The following ARIH1 variants were observed in gnomAD, a reference collection of about 807,000 sequenced individuals.
ARIH1 encodes the protein E3 ubiquitin-protein ligase ARIH1.
In ARIH1, 8 loss-of-function variants were observed where a neutral mutation model predicts 85.0. That is an observed-to-expected ratio of 0.09 (90% confidence interval 0.06 to 0.17). The LOEUF is 0.17. Ranked by LOEUF, ARIH1 falls within the 10% of genes least tolerant of loss-of-function variation. The pLI is 1.00. For synonymous variants in ARIH1, 238 were observed against 253.6 expected, an observed-to-expected ratio of 0.94 and a Z score of 0.59; for missense variants, 311 against 718.1, an observed-to-expected ratio of 0.43 and a Z score of 6.48.
intron 2 of ARIH1, among the ~76,000 whole-genome samples, chr15:72,518,372 T>G (rs200963680): frequency 3.9e-5 from 6 of 152,086 alleles, no homozygotes; most frequent in Non-Finnish European, 7.4e-5. Flanking sequence ...TGTTTGGGGG[T>G]GTGCTTCAGT....
chr15:72,475,609 C>T (rs924233824), intron 1 of ARIH1, among the ~76,000 whole-genome samples: 1 of 152,172 alleles, frequency 6.6e-6, no homozygotes, highest in African/African-American at 2.4e-5. Flanking sequence ...GGTGAGGCTT[C>T]TGCTTACATC....
intron 1 of ARIH1, among the ~76,000 whole-genome samples, chr15:72,506,944 T>C (rs997686452): frequency 1.7e-4 from 26 of 152,102 alleles, no homozygotes; most frequent in Admixed American, 7.2e-4. Context: ...CTGCTAAATA[T>C]AGGAATGTCA....
intron 1 of ARIH1, among the ~76,000 whole-genome samples, chr15:72,479,497 C>G (rs1299835483): frequency 6.6e-6 from 1 of 151,754 alleles, no homozygotes; most frequent in Middle Eastern, 3.2e-3. Context: ...CAACCTCTGC[C>G]TCCTGGGTTC....
At chr15:72,501,590 C>T (rs561503546) in intron 1 of ARIH1, among the ~76,000 whole-genome samples, 2 of 152,224 alleles carry the variant, frequency 1.3e-5, no homozygotes, top group South Asian at 2.1e-4. Context: ...ATTGAAGTCA[C>T]GCGAATGTTT....
In ARIH1 at chr15:72,474,912, G is replaced by A; in HGVS notation, c.273G>A (p.Pro91=). The change falls in exon 1 of 14, where the codon CCG becomes CCA. Residue 91 remains proline, a synonymous_variant. Coordinates refer to ENST00000379887, the MANE Select transcript of ARIH1 (RefSeq NM_005744.5). ...GGGGGGGGGG[P]GHEQEEDYRY... ...GCGGCGGCGGTGGTGGTGGCGGGCCGGGGCATGAGCAGGAGGAGGATTACC... is the reference window on the plus strand; with the variant it reads ...GCGGCGGCGGTGGTGGTGGCGGGCCAGGGCATGAGCAGGAGGAGGATTACC... 1 of 1,459,590 alleles carries A rather than the reference G, an allele frequency of 6.9e-7. No homozygotes were observed. The highest frequency in any genetic ancestry group is 9.1e-7 in the Non-Finnish European group (1 of 1,100,950). The allele number at this position is 1,459,590 out of a possible 1,614,324, so 90.4% of individuals were successfully genotyped here.
chr15:72,536,707 C>T (rs910493348), intron 2 of ARIH1, among the ~76,000 whole-genome samples: 11 of 152,088 alleles, frequency 7.2e-5, no homozygotes, highest in Non-Finnish European at 1.3e-4. Flanking sequence ...GTGGTTAGTT[C>T]CTTAATCCAC....
chr15:72,489,149 A>G (rs1170253966), intron 1 of ARIH1, among the ~76,000 whole-genome samples: 2 of 149,862 alleles, frequency 1.3e-5, no homozygotes, highest in Non-Finnish European at 3.0e-5. Context: ...CTGAAGTGGG[A>G]GAAGAGGATT....
At chr15:72,533,061 T>C (rs1372829774) in intron 2 of ARIH1, among the ~76,000 whole-genome samples, 1 of 152,226 alleles carries the variant, frequency 6.6e-6, no homozygotes, top group African/African-American at 2.4e-5. Context: ...CTAGAAATGA[T>C]TCTAGCCAGT....
chr15:72,474,887 G>T lies in ARIH1; in HGVS notation c.248G>T (p.Gly83Val). The T allele has an allele frequency of 7.0e-7, 1 of 1,430,724 alleles. No individual in the cohort carries two copies. Among genetic ancestry groups the T allele is most frequent in the Non-Finnish European group, 9.2e-7 (1 of 1,086,588 alleles). The allele number at this position is 1,430,724 out of a possible 1,614,324, so 88.6% of individuals were successfully genotyped here. ...GGGCCCGGCGGTGGCGGCGGCGGCG[G>T]CGGCGGCGGTGGTGGTGGCGGGCCG... is the stretch of plus-strand genomic sequence containing the variant. ...ALGPGGGGGGGGGGGGGGPGH... is the reference protein window; with the variant it reads ...ALGPGGGGGGVGGGGGGGPGH... The change falls in exon 1 of 14, where the codon GGC (glycine) becomes GTC (valine). Residue 83 changes from glycine to valine, a missense_variant. By Grantham distance (109) the Gly-to-Val change is moderately radical. Transcript: ENST00000379887.
intron 1 of ARIH1, among the ~76,000 whole-genome samples, chr15:72,477,508 C>G (rs1003946482): frequency 1.3e-5 from 2 of 152,062 alleles, no homozygotes; most frequent in African/African-American, 2.4e-5. Flanking sequence ...AAAAAGATAA[C>G]CAAATTAATT....
chr15:72,528,529 T>TGATAA (rs2064040240), intron 2 of ARIH1, among the ~76,000 whole-genome samples: 1 of 152,218 alleles, frequency 6.6e-6, no homozygotes, highest in African/African-American at 2.4e-5. Context: ...CATTTATCAC[T>TGATAA]ATTCTACAAT....
At chr15:72,504,066 A>G (rs532195935) in intron 1 of ARIH1, among the ~76,000 whole-genome samples, 10 of 152,014 alleles carry the variant, frequency 6.6e-5, no homozygotes, top group Admixed American at 2.0e-4. Context: ...TTATTTATTT[A>G]TTTTTTAGAT....
At chr15:72,506,126 A>G (rs904957206) in intron 1 of ARIH1, among the ~76,000 whole-genome samples, 2 of 151,896 alleles carry the variant, frequency 1.3e-5, no homozygotes, top group African/African-American at 4.8e-5. Flanking sequence ...AGGCGGGCGG[A>G]TCATGAGGTC....
intron 1 of ARIH1, among the ~76,000 whole-genome samples, chr15:72,502,114 A>G (rs2063906471): frequency 6.6e-6 from 1 of 152,100 alleles, no homozygotes; most frequent in Non-Finnish European, 1.5e-5. Flanking sequence ...TCTATTGTTC[A>G]TGTAAATATA....
rs2064364737 is a variant in ARIH1, at chr15:72,596,664, A to G, written c.*13372A>G. The G allele has an allele frequency of 6.6e-6, 1 of 152,100 alleles. No individual in the cohort carries two copies. The highest frequency in any genetic ancestry group is 2.4e-5 in the African/African-American group (1 of 41,424). 9.4% of individuals were successfully genotyped at this position (152,100 alleles called of 1,614,324 possible). A position where few individuals can be genotyped will look rare whatever the true frequency, so the allele number is the denominator to read the frequency against. Reference sequence around the variant, plus strand: ...TTTTCTTTTTGTTTTCAGTTTGGATACTTTCCATTTAACCATCTTTAAGTT... The same window carrying G: ...TTTTCTTTTTGTTTTCAGTTTGGATGCTTTCCATTTAACCATCTTTAAGTT... On this transcript the variant is annotated 3_prime_UTR_variant, in exon 14 of 14. Coordinates refer to ENST00000379887, the MANE Select transcript of ARIH1 (RefSeq NM_005744.5).
At chr15:72,500,702 CAG>C (rs1167127049) in intron 1 of ARIH1, among the ~76,000 whole-genome samples, 1 of 152,062 alleles carries the variant, frequency 6.6e-6, no homozygotes, top group African/African-American at 2.4e-5. Flanking sequence ...AGGAAGGTGA[CAG>C]ATAATATCTA....
chr15:72,557,705 CT>C (rs1356467260), intron 5 of ARIH1, among the ~76,000 whole-genome samples: 1 of 151,978 alleles, frequency 6.6e-6, no homozygotes, highest in East Asian at 1.9e-4. Flanking sequence ...GTATTTAATC[CT>C]TTAGTTAATT....
At chr15:72,564,848 C>T (rs1266355382) in intron 7 of ARIH1, among the ~76,000 whole-genome samples, 2 of 152,056 alleles carry the variant, frequency 1.3e-5, no homozygotes, top group Non-Finnish European at 2.9e-5. Context: ...TCTCTGGGCC[C>T]CTTTTTTTTT....
intron 1 of ARIH1, 186 bp downstream of exon 1, chr15:72,475,200 G>A: frequency 4.7e-6 from 6 of 1,285,834 alleles, no homozygotes; most frequent in Non-Finnish European, 6.0e-6. Flanking sequence ...CCGATTAGCC[G>A]GGTGTGGGGA....
Sources: gnomAD v4.1 joint callset for allele counts (sites outside exome capture counted in the v4.1 genomes callset) on GRCh38, gnomAD v4.1.1 for gene constraint, MANE v1.5 for transcripts, NCBI Gene and HGNC (gene_info 2026-07-23, HGNC 2026-07-21) for gene names.